The following PGM5 variants were observed in gnomAD, a reference collection of about 807,000 sequenced individuals.
PGM5 encodes the protein phosphoglucomutase-like protein 5.
Under a neutral mutation model 59.2 loss-of-function variants are expected in PGM5, and 23 were observed. That is an observed-to-expected ratio of 0.39 (90% CI 0.28 to 0.55). The LOEUF is 0.55. PGM5 is among the 20% of genes least tolerant of loss of function. PGM5 has a pLI of 0.66. For synonymous variants in PGM5, 214 were observed against 286.0 expected, an observed-to-expected ratio of 0.75 and a Z score of 2.54; for missense variants, 574 against 748.3, an observed-to-expected ratio of 0.77 and a Z score of 2.72.
At chr9:68,400,280 C>CATACAACAT (rs1563994158) in intron 6 of PGM5, among the ~76,000 whole-genome samples, 6 of 152,006 alleles carry the variant, frequency 3.9e-5, no homozygotes, top group African/African-American at 1.4e-4. Context: ...TTATAGAACA[C>CATACAACAT]GCATAATCTC....
At chr9:68,445,237 A>G (rs1326528128) in intron 6 of PGM5, among the ~76,000 whole-genome samples, 2 of 152,106 alleles carry the variant, frequency 1.3e-5, no homozygotes, top group Non-Finnish European at 2.9e-5. Context: ...TAAAATGCAG[A>G]TTTCAGGGCC....
chr9:68,456,593 A>G (rs1554684887), intron 6 of PGM5, among the ~76,000 whole-genome samples: 1 of 147,658 alleles, frequency 6.8e-6, no homozygotes, highest in East Asian at 2.0e-4. Flanking sequence ...TGCTGGGATT[A>G]CATGCAAGAG....
At chr9:68,428,068 C>T (rs1823267713) in intron 6 of PGM5, among the ~76,000 whole-genome samples, 1 of 152,212 alleles carries the variant, frequency 6.6e-6, no homozygotes, top group African/African-American at 2.4e-5. Context: ...AAAATTTATA[C>T]ACTTTATGGC....
intron 6 of PGM5, among the ~76,000 whole-genome samples, chr9:68,436,948 C>T (rs1823451016): frequency 6.6e-6 from 1 of 152,162 alleles, no homozygotes; most frequent in South Asian, 2.1e-4. Flanking sequence ...CAATATTCTC[C>T]CATCAGCTAA....
At chr9:68,409,090 T>C (rs76152708) in intron 6 of PGM5, among the ~76,000 whole-genome samples, 28 of 152,186 alleles carry the variant, frequency 1.8e-4, no homozygotes, top group Non-Finnish European at 3.1e-4. Flanking sequence ...AACTTTAAAG[T>C]AGACATTTAT....
At chr9:68,370,916 A>G (rs1382075453) in intron 1 of PGM5, among the ~76,000 whole-genome samples, 1 of 152,152 alleles carries the variant, frequency 6.6e-6, no homozygotes, top group Non-Finnish European at 1.5e-5. Context: ...GTAGGAACAA[A>G]TTTATCATGA....
chr9:68,396,587 A>G (rs1822509377), intron 6 of PGM5: 1 of 152,350 alleles, frequency 6.6e-6, no homozygotes, highest in Non-Finnish European at 1.5e-5. Context: ...ACCTGTTCTG[A>G]TATGTAAGTG....
At chr9:68,427,936 C>T (rs1554682788) in intron 6 of PGM5, among the ~76,000 whole-genome samples, 1 of 152,114 alleles carries the variant, frequency 6.6e-6, no homozygotes, top group Non-Finnish European at 1.5e-5. Flanking sequence ...GTTTCTGAGA[C>T]CCTAGGTTGT....
chr9:68,461,560 G>T (rs1823859003), intron 6 of PGM5, among the ~76,000 whole-genome samples: 1 of 152,152 alleles, frequency 6.6e-6, no homozygotes, highest in South Asian at 2.1e-4. Flanking sequence ...TTTAAGAGGT[G>T]TTCAGGCCAG....
chr9:68,459,311 G>A (rs576583393), intron 6 of PGM5, among the ~76,000 whole-genome samples: 15 of 152,296 alleles, frequency 9.8e-5, no homozygotes, highest in African/African-American at 3.6e-4. Flanking sequence ...TCTGGATCAA[G>A]AAACAGAATA....
At chr9:68,512,214 G>T (rs556288387) in intron 10 of PGM5, among the ~76,000 whole-genome samples, 2 of 152,364 alleles carry the variant, frequency 1.3e-5, no homozygotes, top group Admixed American at 6.5e-5. Flanking sequence ...TGAAAGGCAG[G>T]TTCATTGAAG....
chr9:68,501,092 G>C (rs782472732), intron 10 of PGM5, among the ~76,000 whole-genome samples: 2 of 152,046 alleles, frequency 1.3e-5, no homozygotes, highest in African/African-American at 2.4e-5. Context: ...TTCTCATCCT[G>C]TTGGTGGAAA....
In PGM5 at chr9:68,530,309, C is replaced by G. The variant is rs549874498; in HGVS notation, c.*653C>G. On this transcript the variant is annotated 3_prime_UTR_variant, in exon 11 of 11. Coordinates refer to ENST00000396396, the MANE Select transcript of PGM5 (RefSeq NM_021965.4). Reference sequence around the variant, plus strand: ...AACAAAATATATCAATAGGTGTTTTCCTCTCTTATTTTGTAAATAGTATTA... The same window carrying G: ...AACAAAATATATCAATAGGTGTTTTGCTCTCTTATTTTGTAAATAGTATTA... 1 of 152,330 alleles carries G rather than the reference C, an allele frequency of 6.6e-6. No individual in the cohort carries two copies. Among genetic ancestry groups the G allele is most frequent in the East Asian group, 1.9e-4 (1 of 5,184 alleles). 9.4% of individuals were successfully genotyped at this position (152,330 alleles called of 1,614,324 possible). A position where few individuals can be genotyped will look rare whatever the true frequency, so the allele number is the denominator to read the frequency against.
chr9:68,393,683 A>G (rs1822423499), intron 6 of PGM5, among the ~76,000 whole-genome samples: 2 of 152,146 alleles, frequency 1.3e-5, no homozygotes, highest in South Asian at 4.1e-4. Context: ...CATACATTGC[A>G]AACAAAAGTG....
chr9:68,521,464 AG>A (rs1035969149), intron 10 of PGM5, among the ~76,000 whole-genome samples: 4 of 152,186 alleles, frequency 2.6e-5, no homozygotes, highest in African/African-American at 9.7e-5. Context: ...GGAGAGGCAA[AG>A]GTCCTTTTGT....
intron 7 of PGM5, among the ~76,000 whole-genome samples, chr9:68,478,751 T>C (rs7042721): frequency 0.15 from 22,495 of 152,224 alleles, 3,220 homozygotes; most frequent in African/African-American, 0.36. Flanking sequence ...CTTATAAGAA[T>C]GTTTATCATT....
At chr9:68,447,668 G>A (rs1214566274) in intron 6 of PGM5, among the ~76,000 whole-genome samples, 1 of 152,176 alleles carries the variant, frequency 6.6e-6, no homozygotes, top group Non-Finnish European at 1.5e-5. Context: ...TTTGCAGCAA[G>A]TATTTCCTAC....
chr9:68,476,552 T>G (rs1824108802), intron 7 of PGM5, among the ~76,000 whole-genome samples: 1 of 152,208 alleles, frequency 6.6e-6, no homozygotes, highest in African/African-American at 2.4e-5. Flanking sequence ...AAAGCCTTTT[T>G]AAAAGGAGAG....
At chr9:68,433,010 A>G (rs1299766253) in intron 6 of PGM5, among the ~76,000 whole-genome samples, 1 of 152,086 alleles carries the variant, frequency 6.6e-6, no homozygotes, top group Non-Finnish European at 1.5e-5. Context: ...GTTGCTTCCA[A>G]TTTTGCACTA....
Sources: gnomAD v4.1 joint callset for allele counts (sites outside exome capture counted in the v4.1 genomes callset) on GRCh38, gnomAD v4.1.1 for gene constraint, MANE v1.5 for transcripts, NCBI Gene and HGNC (gene_info 2026-07-23, HGNC 2026-07-21) for gene names.